Variants in CTNNA2 observed in about 807,000 individuals in gnomAD.
CTNNA2 encodes the protein catenin alpha 2, also known as catenin alpha-2.
In CTNNA2, 42 loss-of-function variants were observed where a neutral mutation model predicts 101.0. The observed-to-expected ratio is 0.42, with a 90% CI of 0.32 to 0.54. The LOEUF (loss-of-function observed/expected upper bound fraction) is 0.54. CTNNA2 is among the 20% of genes least tolerant of loss of function. The probability of loss-of-function intolerance (pLI) is 0.14; values close to 1 mark genes in which losing one functional copy is unlikely to be tolerated. For missense variants in CTNNA2, 871 were observed against 1,223.1 expected (o/e 0.71, Z 4.29); for synonymous variants, 450 against 456.4 (o/e 0.99, Z 0.18).
chr2:80,566,576 A>T (rs1030090407), intron 12 of CTNNA2, among the ~76,000 whole-genome samples: 1 of 152,194 alleles, frequency 6.6e-6, no homozygotes, highest in Non-Finnish European at 1.5e-5. Context: ...TAATAGCCCT[A>T]TTACCTTGTG....
chr2:80,602,897 G>C (rs1283426099), intron 15 of CTNNA2, among the ~76,000 whole-genome samples: 1 of 152,102 alleles, frequency 6.6e-6, no homozygotes, highest in African/African-American at 2.4e-5. Context: ...GACTAATGTA[G>C]AAAAATCCAA....
intron 7 of CTNNA2, among the ~76,000 whole-genome samples, chr2:79,975,473 A>C (rs527298470): frequency 6.6e-6 from 1 of 152,080 alleles, no homozygotes; most frequent in African/African-American, 2.4e-5. Context: ...CTCTACGTCA[A>C]TTCGGTTCTG....
intron 9 of CTNNA2, among the ~76,000 whole-genome samples, chr2:80,476,311 T>C (rs1309213999): frequency 6.6e-6 from 1 of 152,132 alleles, no homozygotes; most frequent in Non-Finnish European, 1.5e-5. Flanking sequence ...TTTTGCACAC[T>C]CCTTAAGACC....
intron 7 of CTNNA2, among the ~76,000 whole-genome samples, chr2:79,939,880 G>A (rs1387393266): frequency 6.6e-6 from 1 of 152,114 alleles, no homozygotes; most frequent in Non-Finnish European, 1.5e-5. Context: ...ATCACCTGAC[G>A]TCGGGAGTTC....
chr2:80,387,828 A>T (rs1378657806), intron 7 of CTNNA2, among the ~76,000 whole-genome samples: 1 of 152,216 alleles, frequency 6.6e-6, no homozygotes, highest in Non-Finnish European at 1.5e-5. Flanking sequence ...GTTCTCAAAG[A>T]CTAAAACAAA....
intron 2 of CTNNA2, among the ~76,000 whole-genome samples, chr2:79,272,176 T>C (rs1675099229): frequency 6.6e-6 from 1 of 152,018 alleles, no homozygotes; most frequent in African/African-American, 2.4e-5. Flanking sequence ...TCACTTAAGG[T>C]AGACAACTGA....
chr2:79,229,691 A>T (rs1322936081), intron 2 of CTNNA2, among the ~76,000 whole-genome samples: 1 of 151,880 alleles, frequency 6.6e-6, no homozygotes. Context: ...AGGTTGGAAC[A>T]GTTTGGAGGG....
intron 7 of CTNNA2, among the ~76,000 whole-genome samples, chr2:80,006,223 C>T (rs891024004): frequency 6.6e-6 from 1 of 152,048 alleles, no homozygotes; most frequent in East Asian, 1.9e-4. Flanking sequence ...CACCTGTACA[C>T]ACTTTTAGAA....
chr2:80,445,982 G>T (rs1271605245), intron 9 of CTNNA2, among the ~76,000 whole-genome samples: 1 of 152,144 alleles, frequency 6.6e-6, no homozygotes, highest in Non-Finnish European at 1.5e-5. Flanking sequence ...GGGGAGTATT[G>T]TCAGTGCCTG....
chr2:80,097,135 T>G (rs566833261), intron 7 of CTNNA2, among the ~76,000 whole-genome samples: 1 of 152,218 alleles, frequency 6.6e-6, no homozygotes, highest in Non-Finnish European at 1.5e-5. Context: ...GTTTTTGAAG[T>G]GGCTGGTACC....
intron 8 of CTNNA2, 141 bp from the exon 9 acceptor site, chr2:80,419,308 T>A: frequency 1.6e-6 from 1 of 624,404 alleles, no homozygotes; most frequent in South Asian, 2.1e-5. Flanking sequence ...TTTAATAATG[T>A]AAGCACTGGG....
intron 7 of CTNNA2, chr2:80,313,782 A>T: frequency 1.4e-6 from 1 of 689,824 alleles, no homozygotes. Context: ...CTTGAACATG[A>T]ATGGAGGAGA....
At chr2:79,797,142 A>G (rs561205124) in intron 3 of CTNNA2, among the ~76,000 whole-genome samples, 11 of 152,298 alleles carry the variant, frequency 7.2e-5, no homozygotes, top group African/African-American at 2.4e-4. Context: ...GGTAGGAAAT[A>G]GGCTTTTTGT....
At chr2:79,802,266 A>C (rs756849341) in intron 3 of CTNNA2, among the ~76,000 whole-genome samples, 1 of 152,202 alleles carries the variant, frequency 6.6e-6, no homozygotes, top group Non-Finnish European at 1.5e-5. Context: ...CTAGGTATAA[A>C]GGGATAATAT....
chr2:80,285,449 A>G (rs1003912739), intron 7 of CTNNA2, among the ~76,000 whole-genome samples: 2 of 152,158 alleles, frequency 1.3e-5, no homozygotes, highest in African/African-American at 4.8e-5. Context: ...ACAGTCAACT[A>G]ACACTTTAAG....
At chr2:79,370,013 G>T (rs1573129718) in intron 3 of CTNNA2, among the ~76,000 whole-genome samples, 1 of 152,300 alleles carries the variant, frequency 6.6e-6, no homozygotes, top group Non-Finnish European at 1.5e-5. Context: ...CTGGCGAAGA[G>T]GAGGTGCTCA....
At chr2:80,270,127 ATGT>A (rs1348639387) in intron 7 of CTNNA2, among the ~76,000 whole-genome samples, 1 of 152,214 alleles carries the variant, frequency 6.6e-6, no homozygotes, top group South Asian at 2.1e-4. Flanking sequence ...GATGAGAAAG[ATGT>A]TGTCCCTTAG....
Position 79,661,531 on chromosome 2 carries a change from G to T in CTNNA2, c.102+9873G>T, listed in dbSNP as rs865775839. Among the ~76,000 whole-genome samples, 4 of 152,228 alleles carry T rather than the reference G, an allele frequency of 2.6e-5. No individual in the cohort carries two copies. In the South Asian group the frequency reaches 8.3e-4, roughly 32 times the overall value. On this transcript the variant is annotated intron_variant, in intron 2 of 18. Coordinates refer to ENST00000402739, the MANE Select transcript of CTNNA2 (RefSeq NM_001282597.3). ...GGGGTTTCCCCCACAAGATACTAAG[G>T]CCCAGTTCACCAATCCTGGTTTCTC...
At chr2:79,915,902 T>C (rs929667998) in intron 7 of CTNNA2, among the ~76,000 whole-genome samples, 1 of 152,138 alleles carries the variant, frequency 6.6e-6, no homozygotes, top group Admixed American at 6.5e-5. Flanking sequence ...CAGAGAAAGA[T>C]CGAAACCTTC....
Sources: allele counts gnomAD v4.1 joint callset (sites outside exome capture counted in the v4.1 genomes callset), GRCh38; gene constraint gnomAD v4.1.1; transcripts MANE v1.5; gene names NCBI Gene and HGNC (gene_info 2026-07-23, HGNC 2026-07-21).